RASGRF2: variants seen among roughly 807,000 people sequenced by gnomAD.
RASGRF2 encodes Ras protein specific guanine nucleotide releasing factor 2.
A neutral mutation model predicts 151.0 loss-of-function variants in RASGRF2; 76 were observed. The observed-to-expected ratio is 0.50, with a 90% confidence interval of 0.42 to 0.61. The LOEUF (loss-of-function observed/expected upper bound fraction) is 0.61. Among genes scored for constraint, RASGRF2 ranks in the 20% least tolerant of loss-of-function variants. The pLI, the probability that RASGRF2 is intolerant of heterozygous loss-of-function variation, is 0.00. For missense variants in RASGRF2, 1,148 were observed against 1,564.6 expected (o/e 0.73, Z 4.49); for synonymous variants, 504 against 566.5 (o/e 0.89, Z 1.57).
intron 12 of RASGRF2, among the ~76,000 whole-genome samples, chr5:81,102,815 C>T (rs16878449): frequency 0.013 from 1,905 of 152,110 alleles, 43 homozygotes; most frequent in African/African-American, 0.042. Context: ...TGTTGAAATC[C>T]CAAGCATGCT....
intron 1 of RASGRF2, among the ~76,000 whole-genome samples, chr5:81,034,474 A>G (rs1377185013): frequency 6.6e-6 from 1 of 152,070 alleles, no homozygotes; most frequent in Non-Finnish European, 1.5e-5. Context: ...ACTATAAATC[A>G]TGCTGCTATA....
intron 1 of RASGRF2, among the ~76,000 whole-genome samples, chr5:81,034,551 A>G (rs1275564432): frequency 1.3e-5 from 2 of 152,004 alleles, no homozygotes; most frequent in African/African-American, 4.8e-5. Flanking sequence ...AACCAACCCA[A>G]ATGTCCAAGA....
chr5:81,021,004 G>C (rs765617849), intron 1 of RASGRF2, among the ~76,000 whole-genome samples: 1 of 152,186 alleles, frequency 6.6e-6, no homozygotes, highest in Non-Finnish European at 1.5e-5. Context: ...CGATGTGAAC[G>C]CACCACAGAT....
At chr5:80,964,215 A>G (rs920797744) in intron 1 of RASGRF2, among the ~76,000 whole-genome samples, 1 of 152,138 alleles carries the variant, frequency 6.6e-6, no homozygotes, top group African/African-American at 2.4e-5. Flanking sequence ...CAATGGTGAT[A>G]TAATCAAAAT....
chr5:81,171,501 A>G (rs1481543699), intron 17 of RASGRF2, among the ~76,000 whole-genome samples: 1 of 152,114 alleles, frequency 6.6e-6, no homozygotes, highest in Non-Finnish European at 1.5e-5. Flanking sequence ...CACAAAGTTG[A>G]GCAGACAAGA....
chr5:81,071,111 C>T (rs999913970), intron 4 of RASGRF2, among the ~76,000 whole-genome samples: 1 of 152,200 alleles, frequency 6.6e-6, no homozygotes, highest in Admixed American at 6.5e-5. Context: ...TGCTGGCTCT[C>T]GCTCTCACTC....
chr5:81,158,132 A>G (rs1754304333), intron 17 of RASGRF2, among the ~76,000 whole-genome samples: 1 of 152,260 alleles, frequency 6.6e-6, no homozygotes, highest in Non-Finnish European at 1.5e-5. Flanking sequence ...ACTTACTATA[A>G]GACTACAGTT....
intron 17 of RASGRF2, among the ~76,000 whole-genome samples, chr5:81,159,883 A>G (rs1228223262): frequency 6.6e-6 from 1 of 152,212 alleles, no homozygotes; most frequent in African/African-American, 2.4e-5. Context: ...AGGGAGTTTT[A>G]TAAGAATCTT....
chr5:81,116,784 C>T (rs1753171423), intron 15 of RASGRF2, among the ~76,000 whole-genome samples: 1 of 152,130 alleles, frequency 6.6e-6, no homozygotes, highest in Non-Finnish European at 1.5e-5. Context: ...TGGAATCATT[C>T]AATATTTGTC....
intron 18 of RASGRF2, among the ~76,000 whole-genome samples, chr5:81,188,643 C>T (rs972793851): frequency 6.6e-6 from 1 of 152,322 alleles, no homozygotes; most frequent in African/African-American, 2.4e-5. Context: ...TTATATCAGA[C>T]ACTGTTTCAA....
At chr5:81,055,449 G>A (rs557354663) in intron 2 of RASGRF2, among the ~76,000 whole-genome samples, 1 of 152,228 alleles carries the variant, frequency 6.6e-6, no homozygotes, top group African/African-American at 2.4e-5. Flanking sequence ...TGGGTATGTT[G>A]AACCAGCCTT....
intron 18 of RASGRF2, among the ~76,000 whole-genome samples, chr5:81,194,199 C>A (rs921022816): frequency 3.7e-4 from 50 of 135,716 alleles, no homozygotes; most frequent in Non-Finnish European, 4.2e-4. Flanking sequence ...AAAAAAAAAT[C>A]TTAAAAATTA....
intron 17 of RASGRF2, among the ~76,000 whole-genome samples, chr5:81,166,944 G>A (rs757775281): frequency 2.0e-5 from 3 of 152,156 alleles, no homozygotes; most frequent in Admixed American, 6.5e-5. Context: ...GAATGAGGAC[G>A]AAACTGCAGA....
At chr5:81,153,967 G>C (rs911329018) in intron 17 of RASGRF2, among the ~76,000 whole-genome samples, 12 of 145,674 alleles carry the variant, frequency 8.2e-5, no homozygotes, top group Non-Finnish European at 1.5e-4. Flanking sequence ...TAACAGCAAA[G>C]AGCGGTGTTT....
At chr5:81,166,671 C>T (rs994234148) in intron 17 of RASGRF2, among the ~76,000 whole-genome samples, 14 of 151,616 alleles carry the variant, frequency 9.2e-5, no homozygotes, top group Non-Finnish European at 1.3e-4. Context: ...GGGGGAGGGA[C>T]GAAGGGCTGG....
chr5:81,177,412 T>A (rs1368805067), intron 17 of RASGRF2, among the ~76,000 whole-genome samples: 1 of 147,100 alleles, frequency 6.8e-6, no homozygotes, highest in Non-Finnish European at 1.5e-5. Context: ...AACTTAGAGA[T>A]TTTTTTTTTT....
intron 26 of RASGRF2, among the ~76,000 whole-genome samples, chr5:81,224,691 TAC>T (rs1212995716): frequency 6.6e-6 from 1 of 152,230 alleles, no homozygotes; most frequent in Non-Finnish European, 1.5e-5. Context: ...TACAATGGAC[TAC>T]TACTCAGCCA....
Position 81,005,228 on chromosome 5 carries a change from G to T in RASGRF2, c.289-37649G>T, listed in dbSNP as rs372577027. The stretch of plus-strand genomic sequence containing the variant: ...ATTTAGAAGGGAAAGAGGTTTAGTT[G>T]ACTCACAGTTCACCATGGCTGGGGA... On this transcript the variant is annotated intron_variant, in intron 1 of 26. Coordinates refer to ENST00000265080, the MANE Select transcript of RASGRF2 (RefSeq NM_006909.3). Among the ~76,000 whole-genome samples the T allele has an allele frequency of 6.6e-5, 10 of 152,244 alleles. No homozygotes were observed. In the East Asian group the frequency reaches 1.5e-3, roughly 24 times the overall value.
At chr5:81,163,190 C>G (rs1418886029) in intron 17 of RASGRF2, among the ~76,000 whole-genome samples, 1 of 152,138 alleles carries the variant, frequency 6.6e-6, no homozygotes, top group Non-Finnish European at 1.5e-5. Context: ...CACCTGCCAG[C>G]TGAGACAGCT....
Sources: gnomAD v4.1 joint callset for allele counts (sites outside exome capture counted in the v4.1 genomes callset) on GRCh38, gnomAD v4.1.1 for gene constraint, MANE v1.5 for transcripts, NCBI Gene and HGNC (gene_info 2026-07-23, HGNC 2026-07-21) for gene names.